HARBI1: variants seen among roughly 807,000 people sequenced by gnomAD.
HARBI1 encodes the protein putative nuclease HARBI1.
Under a neutral mutation model 25.3 loss-of-function variants are expected in HARBI1, and 15 were observed. The observed-to-expected ratio is 0.59, with a 90% CI of 0.40 to 0.91. The LOEUF (loss-of-function observed/expected upper bound fraction) is 0.91. HARBI1 is among the 40% of genes least tolerant of loss of function. HARBI1 has a pLI of 0.00. For missense variants in HARBI1, 396 were observed against 445.8 expected, an observed-to-expected ratio of 0.89 and a Z score of 1.01; for synonymous variants, 168 against 160.5, an observed-to-expected ratio of 1.05 and a Z score of -0.35.
intron 2 of HARBI1, among the ~76,000 whole-genome samples, chr11:46,606,217 A>C (rs1490504331): frequency 6.6e-6 from 1 of 151,686 alleles, no homozygotes; most frequent in Non-Finnish European, 1.5e-5. Flanking sequence ...ACATAACCCT[A>C]CTAAATAATG....
chr11:46,604,352 C>G (rs2044859614), intron 2 of HARBI1: 1 of 801,898 alleles, frequency 1.2e-6, no homozygotes, highest in Admixed American at 6.3e-5. Flanking sequence ...TTGCAGTGAG[C>G]CAAGATCACG....
intron 1 of HARBI1, chr11:46,616,714 A>C (rs1049475796): frequency 1.0e-6 from 1 of 991,058 alleles, no homozygotes; most frequent in African/African-American, 1.7e-5. Context: ...CATATGTCAT[A>C]ACCACCTTGG....
intron 2 of HARBI1, among the ~76,000 whole-genome samples, chr11:46,607,259 CAAAAA>C (rs149824275): frequency 2.8e-5 from 2 of 71,696 alleles, no homozygotes. Context: ...GAGACTGTCT[CAAAAA>C]AAAAAAAAAA....
At chr11:46,608,299 A>AAACAAC (rs527494685) in intron 2 of HARBI1, among the ~76,000 whole-genome samples, 2,494 of 151,962 alleles carry the variant, frequency 0.016, 27 homozygotes, top group Non-Finnish European at 0.022. Flanking sequence ...ACTCCATCTC[A>AAACAAC]AACAACAACA....
At chr11:46,616,788 A>AG (rs1330131625) in intron 1 of HARBI1, 4 of 973,546 alleles carry the variant, frequency 4.1e-6, no homozygotes, top group Non-Finnish European at 4.8e-6. Context: ...AATACAGGAC[A>AG]GATGCTGGGG....
chr11:46,616,878 A>G (rs552646377), intron 1 of HARBI1: 4 of 969,938 alleles, frequency 4.1e-6, no homozygotes, highest in South Asian at 4.8e-5. Context: ...AAAGTCCACA[A>G]CCCAGCCTTA....
chr11:46,604,625 A>G lies in HARBI1; in HGVS notation c.671-716T>C, dbSNP rs188615673. The G allele has an allele frequency of 2.4e-4, 238 of 985,088 alleles. 2 individuals carry two copies. Among genetic ancestry groups the G allele is most frequent in the Non-Finnish European group, 8.1e-5 (67 of 829,656 alleles). 61.0% of individuals were successfully genotyped at this position (985,088 alleles called of 1,614,324 possible). A position where few individuals can be genotyped will look rare whatever the true frequency, so the allele number is the denominator to read the frequency against. ...AATTTCAAGTCTAAAAGCACTACCA[A>G]GGGATTTCAGGGGATTTCATGGACT... On this transcript the variant is annotated intron_variant, in intron 2 of 2. Coordinates refer to ENST00000326737, the MANE Select transcript of HARBI1 (RefSeq NM_173811.4).
chr11:46,615,824 C>T lies in HARBI1; in HGVS notation c.414G>A (p.Leu138=). The change falls in exon 2 of 3, where the codon TTG becomes TTA. Residue 138 remains leucine, a synonymous_variant. Transcript: ENST00000326737. ...CCCCCATCACCCCTGGCATCCCTGC[C>T]AACCCATAGAATTCATCCTTCAGAG... ...IQALKDEFYG[L]AGMPGVMGVV... is the part of the protein sequence containing the mutation. 6.2e-7 allele frequency: 1 copy of T among 1,614,186 alleles called. No individual in the cohort carries two copies. Among genetic ancestry groups the T allele is most frequent in the South Asian group, 1.1e-5 (1 of 91,080 alleles).
rs765476628 is a variant in HARBI1 at position 46,616,047 on chromosome 11, G to T, written c.191C>A (p.Ser64Tyr). Residue 64 changes from serine (S) to tyrosine (Y), a missense_variant, in exon 2 of 3, where the codon TCC (serine) becomes TAC (tyrosine). Transcript: ENST00000326737. Reference protein sequence around the residue: ...GANLSRPTQRSRAISPETQVL... With the variant: ...GANLSRPTQRYRAISPETQVL... ...CTGTGTCTCTGGGCTAATAGCCCTG[G>T]ATCGCTGAGTAGGCCTAGAAAGATT... 1.2e-6 allele frequency: 2 copies of T among 1,614,188 alleles called. No homozygotes were observed. The highest frequency in any genetic ancestry group is 1.7e-6 in the Non-Finnish European group (2 of 1,180,032).
At chr11:46,607,263 A>C (rs1039281581) in intron 2 of HARBI1, among the ~76,000 whole-genome samples, 8 of 151,260 alleles carry the variant, frequency 5.3e-5, no homozygotes, top group Non-Finnish European at 1.0e-4. Context: ...CTGTCTCAAA[A>C]AAAAAAAAAA....
chr11:46,605,210 G>A (rs2044892169), intron 2 of HARBI1, among the ~76,000 whole-genome samples: 1 of 152,060 alleles, frequency 6.6e-6, no homozygotes, highest in African/African-American at 2.4e-5. Flanking sequence ...ATTTCTTTTA[G>A]GCGCTTACAT....
At chr11:46,613,776 C>T (rs772110690) in intron 2 of HARBI1, among the ~76,000 whole-genome samples, 7 of 152,074 alleles carry the variant, frequency 4.6e-5, no homozygotes, top group Non-Finnish European at 8.8e-5. Flanking sequence ...AGCTACCGCA[C>T]CCAGCAGTAT....
upstream of HARBI1, chr11:46,617,546 C>G (rs548247208): frequency 3.3e-4 from 82 of 247,620 alleles, 16 homozygotes; most frequent in Non-Finnish European, 3.0e-4. Context: ...TTTCACCCCC[C>G]CCCCCCGGCC....
chr11:46,608,927 C>CTTT (rs764380300), intron 2 of HARBI1, among the ~76,000 whole-genome samples: 1 of 133,916 alleles, frequency 7.5e-6, no homozygotes, highest in East Asian at 2.3e-4. Context: ...TTTTTTTTTT[C>CTTT]TTTTTTTTTT....
chr11:46,606,335 C>T (rs1230548973), intron 2 of HARBI1, among the ~76,000 whole-genome samples: 8 of 147,952 alleles, frequency 5.4e-5, no homozygotes, highest in East Asian at 2.0e-4. Context: ...TTTTTTGAGA[C>T]GGAGCCTCAC....
chr11:46,610,460 G>A (rs901423463), intron 2 of HARBI1, among the ~76,000 whole-genome samples: 1 of 151,646 alleles, frequency 6.6e-6, no homozygotes, highest in South Asian at 2.1e-4. Context: ...GGAGATGGAG[G>A]CCATCCTGGC....
In HARBI1 at chr11:46,603,548, C is replaced by T. The variant is rs2044829866; in HGVS notation, c.1032G>A (p.Met344Ile). The T allele has an allele frequency of 6.3e-7, 1 of 1,599,204 alleles. No individual in the cohort carries two copies. Among genetic ancestry groups the T allele is most frequent in the Admixed American group, 1.7e-5 (1 of 58,932 alleles). Residue 344 changes from methionine to isoleucine, a missense_variant, in exon 3 of 3, where the codon ATG (methionine) becomes ATA (isoleucine). Physicochemically the swap from Met to Ile is conservative, Grantham distance 10. Transcript: ENST00000326737. Reference sequence around the variant, plus strand: ...TTCTACATTAGCTAAAATGAGTGAGCATTAGCTCCTGACGAATACGGTCAG... The same window carrying T: ...TTCTACATTAGCTAAAATGAGTGAGTATTAGCTCCTGACGAATACGGTCAG... ...LEADRIRQEL[M>I]LTHFS
In HARBI1 at chr11:46,612,970, A is replaced by AT. The variant is rs11301819; in HGVS notation, c.670+2597dup. Among the ~76,000 whole-genome samples the AT allele has an allele frequency of 2.1e-3, 72 of 34,762 alleles. 4 individuals carry two copies. The highest frequency in any genetic ancestry group is 2.9e-3 in the Non-Finnish European group (62 of 21,046). 22.8% of individuals were successfully genotyped at this position (34,762 alleles called of 152,430 possible). On this transcript the variant is annotated intron_variant, in intron 2 of 2. Transcript: ENST00000326737. ...TATAGGCATGAGCCACCACACCCGG[A>AT]TTTTTTTTTTTTTTTTTTTTTTTTT...
chr11:46,605,570 C>T (rs1235799108), intron 2 of HARBI1, among the ~76,000 whole-genome samples: 8 of 149,600 alleles, frequency 5.3e-5, no homozygotes. Flanking sequence ...GCTGACTTTT[C>T]CCCTCCCAGG....
Sources: gnomAD v4.1 joint callset for allele counts (sites outside exome capture counted in the v4.1 genomes callset) on GRCh38, gnomAD v4.1.1 for gene constraint, MANE v1.5 for transcripts, NCBI Gene and HGNC (gene_info 2026-07-23, HGNC 2026-07-21) for gene names.